The following TRPS1 variants were observed in gnomAD, a reference collection of about 807,000 sequenced individuals.
The protein encoded by TRPS1 is transcriptional repressor GATA binding 1, also known as zinc finger transcription factor Trps1.
Under a neutral mutation model 101.2 loss-of-function variants are expected in TRPS1, and 6 were observed. The observed-to-expected ratio is 0.06, with a 90% CI of 0.03 to 0.12. The LOEUF is 0.12. TRPS1 is among the 10% of genes least tolerant of loss of function. The pLI is 1.00. For missense variants in TRPS1, 1,363 were observed against 1,567.0 expected, an observed-to-expected ratio of 0.87 and a Z score of 2.20; for synonymous variants, 578 against 589.8, an observed-to-expected ratio of 0.98 and a Z score of 0.29.
intron 5 of TRPS1, among the ~76,000 whole-genome samples, chr8:115,471,994 G>C (rs1164803411): frequency 6.6e-6 from 1 of 152,226 alleles, no homozygotes. Flanking sequence ...AGTGTCTGCA[G>C]TTTTTCTAGG....
rs1812984740 is a variant in TRPS1, at chr8:115,418,837, G to A, written c.2701-385C>T. ...TACACTTTGGAAAGGAGGAGCACAT[G>A]CTACCTGAGCTTTAAAATATAGTCA... On this transcript the variant is annotated intron_variant, in intron 5 of 6. Coordinates refer to ENST00000395715, the MANE Select transcript of TRPS1 (RefSeq NM_014112.5). This position sits in a 1 kb window ranked among gnomAD's most constrained non-coding sequence, Gnocchi z 4.3. Among the ~76,000 whole-genome samples the A allele has an allele frequency of 6.6e-6, 1 of 152,174 alleles. No individual in the cohort carries two copies. Among genetic ancestry groups the A allele is most frequent in the African/African-American group, 2.4e-5 (1 of 41,444 alleles).
At chr8:115,477,409 G>A (rs1301321375) in intron 5 of TRPS1, among the ~76,000 whole-genome samples, 1 of 152,160 alleles carries the variant, frequency 6.6e-6, no homozygotes, top group Non-Finnish European at 1.5e-5. Flanking sequence ...ACTGGTAGAG[G>A]CTCTCAAGTG....
intron 5 of TRPS1, among the ~76,000 whole-genome samples, chr8:115,463,913 T>G (rs1242563622): frequency 6.6e-6 from 1 of 151,718 alleles, no homozygotes; most frequent in Admixed American, 6.6e-5. Flanking sequence ...ATAAAATAAC[T>G]AATATAACAC....
At chr8:115,526,095 G>A (rs1012053159) in intron 5 of TRPS1, among the ~76,000 whole-genome samples, 1 of 152,090 alleles carries the variant, frequency 6.6e-6, no homozygotes, top group African/African-American at 2.4e-5. Flanking sequence ...GATTAAGAAC[G>A]TTCTGGGTCT....
chr8:115,518,942 T>C (rs1271097416), intron 5 of TRPS1, among the ~76,000 whole-genome samples: 1 of 151,776 alleles, frequency 6.6e-6, no homozygotes, highest in Non-Finnish European at 1.5e-5. Flanking sequence ...AGGTTATCCA[T>C]CTCATGTGCT....
At chr8:115,432,195 G>C (rs1813336455) in intron 5 of TRPS1, among the ~76,000 whole-genome samples, 1 of 130,986 alleles carries the variant, frequency 7.6e-6, no homozygotes, top group Non-Finnish European at 1.6e-5. Flanking sequence ...AAATATAATG[G>C]CAGAATCAGT....
chr8:115,493,390 T>C (rs1273568673), intron 5 of TRPS1, among the ~76,000 whole-genome samples: 2 of 152,202 alleles, frequency 1.3e-5, no homozygotes, highest in African/African-American at 2.4e-5. Flanking sequence ...GTTTGGCTCC[T>C]GTTGCCCAGG....
At chr8:115,645,222 T>TAC (rs1283122585) in intron 1 of TRPS1, among the ~76,000 whole-genome samples, 19 of 152,112 alleles carry the variant, frequency 1.2e-4, no homozygotes, top group African/African-American at 3.6e-4. Context: ...TACATATATA[T>TAC]ACACACGCAC....
chr8:115,516,443 T>C (rs1321355789), intron 5 of TRPS1, among the ~76,000 whole-genome samples: 2 of 151,584 alleles, frequency 1.3e-5, no homozygotes, highest in East Asian at 1.9e-4. Flanking sequence ...ATGAAAATCA[T>C]GTTGAAATCT....
chr8:115,457,292 A>T (rs930734986), intron 5 of TRPS1, among the ~76,000 whole-genome samples: 2 of 152,240 alleles, frequency 1.3e-5, no homozygotes, highest in Admixed American at 1.3e-4. Flanking sequence ...ATGAAAAAAT[A>T]TCCAACATAC....
At chr8:115,637,018 G>A (rs558488248) in intron 1 of TRPS1, among the ~76,000 whole-genome samples, 7 of 152,018 alleles carry the variant, frequency 4.6e-5, no homozygotes, top group East Asian at 3.9e-4. Flanking sequence ...TATTTCTTTC[G>A]TTCATAATAA....
chr8:115,625,984 G>A (rs1243481903), intron 1 of TRPS1, among the ~76,000 whole-genome samples: 1 of 151,682 alleles, frequency 6.6e-6, no homozygotes, highest in East Asian at 1.9e-4. Context: ...AAAAGTCATC[G>A]ATGGTCTTCG....
chr8:115,519,716 A>T (rs74668220), intron 5 of TRPS1, among the ~76,000 whole-genome samples: 2 of 151,790 alleles, frequency 1.3e-5, no homozygotes, highest in East Asian at 3.9e-4. Flanking sequence ...AACATTAATA[A>T]CAATATGGAA....
intron 5 of TRPS1, among the ~76,000 whole-genome samples, chr8:115,488,875 A>G (rs1056308699): frequency 6.6e-5 from 10 of 152,212 alleles, no homozygotes; most frequent in Non-Finnish European, 1.5e-4. Flanking sequence ...AAACAGTGAC[A>G]TTATAAATGA....
intron 5 of TRPS1, among the ~76,000 whole-genome samples, chr8:115,488,996 G>T (rs1159376510): frequency 6.6e-6 from 1 of 152,098 alleles, no homozygotes; most frequent in Admixed American, 6.6e-5. Context: ...CTAATAAGTA[G>T]TATAGCTCTT....
intron 5 of TRPS1, among the ~76,000 whole-genome samples, chr8:115,498,405 CTCTCTCTCTCTA>C (rs1453807967): frequency 2.8e-4 from 24 of 85,662 alleles, no homozygotes; most frequent in Admixed American, 3.9e-4. Context: ...CTCTCTCTCT[CTCTCTCTCTCTA>C]TATATATATA....
intron 5 of TRPS1, among the ~76,000 whole-genome samples, chr8:115,457,059 T>C (rs1321045897): frequency 6.6e-6 from 1 of 152,148 alleles, no homozygotes; most frequent in Non-Finnish European, 1.5e-5. Flanking sequence ...AGGTACAAAA[T>C]GCTCCATTCA....
In TRPS1 at chr8:115,610,227, TTAAAAA is replaced by T. The variant is rs532917371; in HGVS notation, c.967-5231_967-5226del. On this transcript the variant is annotated intron_variant, in intron 3 of 6. Coordinates refer to ENST00000395715, the MANE Select transcript of TRPS1 (RefSeq NM_014112.5). The stretch of plus-strand genomic sequence containing the variant: ...GGCTGATAGTCAAAGAGGTAAAAGC[TTAAAAA>T]TAAAAAGCTAAGTTGTTAAAAAAAA... 1.1e-4 allele frequency among the ~76,000 whole-genome samples: 16 copies of T among 152,086 alleles called. 1 individual carries two copies. The South Asian group carries it at 2.9e-3, about 28-fold the overall frequency.
intron 1 of TRPS1, among the ~76,000 whole-genome samples, chr8:115,639,556 G>A (rs60391743): frequency 0.049 from 7,388 of 151,988 alleles, 272 homozygotes; most frequent in African/African-American, 0.099. Flanking sequence ...ATGGCCAGGC[G>A]TGGTGGTTCA....
Sources: allele counts gnomAD v4.1 joint callset (sites outside exome capture counted in the v4.1 genomes callset), GRCh38; gene constraint gnomAD v4.1.1; non-coding constraint Gnocchi (gnomAD v3.1); transcripts MANE v1.5; gene names NCBI Gene and HGNC (gene_info 2026-07-23, HGNC 2026-07-21).